The following CPS1 variants were observed in gnomAD, a reference collection of about 807,000 sequenced individuals.
CPS1 encodes the protein carbamoyl-phosphate synthase 1, also known as carbamoyl-phosphate synthase [ammonia], mitochondrial.
In CPS1, 109 loss-of-function variants were observed where a neutral mutation model predicts 174.6. The observed-to-expected ratio is 0.62, with a 90% CI of 0.53 to 0.73. The LOEUF is 0.73. CPS1 is among the 30% of genes least tolerant of loss of function. The probability of loss-of-function intolerance (pLI) is 0.00; values close to 1 mark genes in which losing one functional copy is unlikely to be tolerated. For synonymous variants in CPS1, 637 were observed against 632.0 expected (o/e 1.01, Z -0.12); for missense variants, 1,689 against 1,821.9 (o/e 0.93, Z 1.33).
chr2:210,511,708 C>G (rs1173662550), intron 1 of CPS1, among the ~76,000 whole-genome samples: 2 of 151,966 alleles, frequency 1.3e-5, no homozygotes, highest in African/African-American at 2.4e-5. Context: ...TGGGGTTTGC[C>G]TAGAACAACA....
intron 1 of CPS1, among the ~76,000 whole-genome samples, chr2:210,527,652 T>TA (rs2105996106): frequency 6.6e-6 from 1 of 152,028 alleles, no homozygotes; most frequent in East Asian, 1.9e-4. Context: ...TGTTCTTTGT[T>TA]ATGTTTACTA....
chr2:210,550,792 T>C (rs1391187763), intron 1 of CPS1, among the ~76,000 whole-genome samples: 2 of 151,398 alleles, frequency 1.3e-5, no homozygotes, highest in African/African-American at 4.9e-5. Context: ...GAGGGGTCTT[T>C]CTTATTTATT....
At position 210,588,209 on chromosome 2, in the gene CPS1, A is replaced by G. The variant is rs1329065916; in HGVS notation, c.711+62A>G. 30 of 1,412,130 alleles carry G rather than the reference A, an allele frequency of 2.1e-5. No homozygotes were observed. In the East Asian group the frequency reaches 6.9e-4, roughly 32 times the overall value. 87.5% of individuals were successfully genotyped at this position (1,412,130 alleles called of 1,614,324 possible). A position where few individuals can be genotyped will look rare whatever the true frequency, so the allele number is the denominator to read the frequency against. ...CATATTGACCATTAGTGTTCAGCTA[A>G]TTTCCTCTGTCACAGAGAAACTTAT... On this transcript the variant is annotated intron_variant, in intron 7 of 37. Transcript: ENST00000233072.
At chr2:210,540,793 T>C (rs1696376944) in intron 1 of CPS1, among the ~76,000 whole-genome samples, 1 of 152,204 alleles carries the variant, frequency 6.6e-6, no homozygotes, top group Non-Finnish European at 1.5e-5. Context: ...TAGAAATATG[T>C]CTGTGTTTAT....
chr2:210,643,495 C>T (rs1337146136), intron 25 of CPS1, among the ~76,000 whole-genome samples: 4 of 152,056 alleles, frequency 2.6e-5, no homozygotes, highest in African/African-American at 9.7e-5. Flanking sequence ...TTAGTTTTGA[C>T]TGACAACCTC....
chr2:210,618,072 C>T (rs945015393), intron 21 of CPS1: 12 of 151,932 alleles, frequency 7.9e-5, no homozygotes, highest in Admixed American at 2.6e-4. Flanking sequence ...GAATAGTTTT[C>T]GTTACAACCA....
intron 27 of CPS1, among the ~76,000 whole-genome samples, chr2:210,649,554 A>G (rs2105910118): frequency 6.6e-6 from 1 of 152,340 alleles, no homozygotes; most frequent in Admixed American, 6.5e-5. Context: ...TCTATAATGT[A>G]TACATAGATC....
intron 2 of CPS1, among the ~76,000 whole-genome samples, chr2:210,575,542 A>G (rs1697670300): frequency 6.7e-6 from 1 of 149,752 alleles, no homozygotes; most frequent in South Asian, 2.1e-4. Flanking sequence ...ACACACACAC[A>G]CGATATATTT....
At chr2:210,615,331 T>C (rs1206728965) in intron 20 of CPS1, among the ~76,000 whole-genome samples, 2 of 151,958 alleles carry the variant, frequency 1.3e-5, no homozygotes, top group African/African-American at 4.8e-5. Context: ...GAAATGAACA[T>C]GGCTTTGAGT....
At chr2:210,534,812 T>C (rs1251518351) in intron 1 of CPS1, among the ~76,000 whole-genome samples, 1 of 152,240 alleles carries the variant, frequency 6.6e-6, no homozygotes, top group East Asian at 1.9e-4. Flanking sequence ...TCCTGGTCCC[T>C]TCTTTGATTA....
At chr2:210,603,467 C>G (rs1305632760) in intron 16 of CPS1, among the ~76,000 whole-genome samples, 1 of 151,836 alleles carries the variant, frequency 6.6e-6, no homozygotes, top group African/African-American at 2.4e-5. Context: ...TGTTACCATT[C>G]TGGACATATG....
At chr2:210,673,626 G>C (rs1467088407) in intron 34 of CPS1, 2 of 152,078 alleles carry the variant, frequency 1.3e-5, no homozygotes, top group African/African-American at 4.8e-5. Flanking sequence ...AAACTAGGAT[G>C]TAAGGGCAGG....
upstream of CPS1, chr2:210,555,738 C>T (rs1239701530): frequency 2.2e-6 from 1 of 447,318 alleles, no homozygotes; most frequent in Non-Finnish European, 4.5e-6. Context: ...TCTACATAGT[C>T]ATGTGACTTA....
At chr2:210,605,722 G>C (rs930105974) in intron 17 of CPS1, among the ~76,000 whole-genome samples, 5 of 151,874 alleles carry the variant, frequency 3.3e-5, no homozygotes, top group Non-Finnish European at 5.9e-5. Flanking sequence ...TCAAAAAAGG[G>C]AGTTGAGAAT....
At chr2:210,501,140 C>T (rs376023697) in intron 1 of CPS1, among the ~76,000 whole-genome samples, 14 of 152,182 alleles carry the variant, frequency 9.2e-5, no homozygotes, top group Admixed American at 2.6e-4. Flanking sequence ...CACCAAGTCT[C>T]TAGGCTGCAC....
Position 210,577,603 on chromosome 2 carries a change from T to C in CPS1, c.471+93T>C, listed in dbSNP as rs889995055. ...GTGCCAAGCAGACAGAGGAAGATCA[T>C]GTAGTTTGGGATCTTTGCATTTCAG... On this transcript the variant is annotated intron_variant, in intron 4 of 37. Transcript: ENST00000233072. 6 of 936,560 alleles carry C rather than the reference T, an allele frequency of 6.4e-6. No individual in the cohort carries two copies. In the African/African-American group the frequency reaches 6.5e-5, roughly 10 times the overall value. 58.0% of individuals were successfully genotyped at this position (936,560 alleles called of 1,614,324 possible).
intron 4 of CPS1, 129 bp from the exon 5 acceptor site, chr2:210,579,583 CAG>C: frequency 1.3e-6 from 1 of 741,204 alleles, no homozygotes; most frequent in Non-Finnish European, 2.4e-6. Context: ...CACCCTGGGT[CAG>C]AGAAAAGAAA....
rs755294410 is a variant in CPS1 at position 210,656,535 on chromosome 2, A to G, written c.3569A>G (p.His1190Arg). Residue 1190 changes from histidine (H) to arginine (R), a missense_variant, in exon 30 of 38, where the codon CAT (histidine) becomes CGT (arginine). His to Arg is a conservative substitution (Grantham distance 29). Coordinates refer to ENST00000233072, the MANE Select transcript of CPS1 (RefSeq NM_001875.5). ...TTTTTTTTTGGCCAGGTTATCTCTC[A>G]TGCCATCTCTGAACATGTTGAAGAT... ...AVGKDGRVIS[H>R]AISEHVEDAG... is the part of the protein sequence containing the mutation. 3.8e-6 allele frequency: 6 copies of G among 1,596,322 alleles called. No homozygotes were observed. The South Asian group carries it at 6.6e-5, about 18-fold the overall frequency.
chr2:210,483,315 G>C (rs1694627906), intron 1 of CPS1, among the ~76,000 whole-genome samples: 1 of 152,092 alleles, frequency 6.6e-6, no homozygotes, highest in Admixed American at 6.5e-5. Flanking sequence ...AGCATCTACT[G>C]TTTTCAAGAC....
Sources: allele counts gnomAD v4.1 joint callset (sites outside exome capture counted in the v4.1 genomes callset), GRCh38; gene constraint gnomAD v4.1.1; transcripts MANE v1.5; gene names NCBI Gene and HGNC (gene_info 2026-07-23, HGNC 2026-07-21).